Variants in TENM2 observed in about 807,000 individuals in gnomAD.
TENM2 encodes the protein teneurin transmembrane protein 2.
TENM2 carries 52 observed loss-of-function variants against 245.2 expected under a neutral mutation model. The observed-to-expected ratio is 0.21, with a 90% confidence interval of 0.17 to 0.27. The LOEUF (loss-of-function observed/expected upper bound fraction) is 0.27. Among genes scored for constraint, TENM2 ranks in the 10% least tolerant of loss-of-function variants. The pLI is 1.00. For missense variants in TENM2, 3,046 were observed against 3,666.8 expected, an observed-to-expected ratio of 0.83 and a Z score of 4.37; for synonymous variants, 1,363 against 1,438.9, an observed-to-expected ratio of 0.95 and a Z score of 1.19.
intron 2 of TENM2, among the ~76,000 whole-genome samples, chr5:167,543,954 A>G (rs1046225741): frequency 1.3e-5 from 2 of 152,194 alleles, no homozygotes; most frequent in Non-Finnish European, 2.9e-5. Context: ...ACCTTGTCTT[A>G]TTGAACTAAC....
At chr5:167,337,123 C>CAAAAAAAAA (rs71591174) in intron 1 of TENM2, among the ~76,000 whole-genome samples, 41 of 56,666 alleles carry the variant, frequency 7.2e-4, no homozygotes, top group African/African-American at 1.8e-3. Flanking sequence ...GACTCCGTCT[C>CAAAAAAAAA]AAAAAAAAAA....
At chr5:168,027,452 G>A (rs1275391214) in intron 5 of TENM2, among the ~76,000 whole-genome samples, 1 of 152,130 alleles carries the variant, frequency 6.6e-6, no homozygotes, top group Non-Finnish European at 1.5e-5. Flanking sequence ...AGTACACAAA[G>A]AAAAAAGTGC....
At chr5:167,651,892 C>T (rs1385870241) in intron 2 of TENM2, among the ~76,000 whole-genome samples, 1 of 152,144 alleles carries the variant, frequency 6.6e-6, no homozygotes, top group Admixed American at 6.6e-5. Context: ...ATATACTGAA[C>T]CCACCAGAAG....
At chr5:167,215,528 G>A in the TENM2 span, among the ~76,000 whole-genome samples, 1 of 152,156 alleles carries the variant, frequency 6.6e-6, no homozygotes, top group Non-Finnish European at 1.5e-5. Context: ...ACCATATACT[G>A]AGCCTGTGCC....
chr5:168,040,140 C>T (rs369016485), intron 5 of TENM2, among the ~76,000 whole-genome samples: 1 of 152,162 alleles, frequency 6.6e-6, no homozygotes, highest in Non-Finnish European at 1.5e-5. Context: ...GTTCTCATGG[C>T]AGACACAAAG....
At chr5:167,756,438 T>A (rs1762317180) in intron 2 of TENM2, among the ~76,000 whole-genome samples, 1 of 152,104 alleles carries the variant, frequency 6.6e-6, no homozygotes. Flanking sequence ...AAGGAGAAAA[T>A]CATCAGTAAA....
chr5:168,060,237 A>T (rs1241137177), intron 6 of TENM2, among the ~76,000 whole-genome samples: 1 of 151,792 alleles, frequency 6.6e-6, no homozygotes, highest in Non-Finnish European at 1.5e-5. Flanking sequence ...GAAAAAAAAA[A>T]AAAAAGAAAA....
At chr5:167,034,382 G>A in the TENM2 span, among the ~76,000 whole-genome samples, 3 of 152,060 alleles carry the variant, frequency 2.0e-5, no homozygotes, top group Non-Finnish European at 4.4e-5. Context: ...TGTAATCCCA[G>A]CACTTTGGGA....
chr5:167,281,019 A>T (rs1180539304), upstream of TENM2, among the ~76,000 whole-genome samples: 1 of 152,062 alleles, frequency 6.6e-6, no homozygotes, highest in Non-Finnish European at 1.5e-5. Flanking sequence ...TCTTTCTGGA[A>T]GCAGACATTT....
chr5:167,130,139 C>T, the TENM2 span, among the ~76,000 whole-genome samples: 1 of 152,228 alleles, frequency 6.6e-6, no homozygotes, highest in East Asian at 1.9e-4. Context: ...AAACTAAATT[C>T]AATGGCTTGG....
In TENM2 at chr5:167,944,332, A is replaced by G. The variant is rs144505699; in HGVS notation, c.713-8256A>G. Among the ~76,000 whole-genome samples the G allele has an allele frequency of 2.1e-3, 327 of 152,222 alleles. 1 individual carries two copies. The highest frequency in any genetic ancestry group is 7.4e-3 in the African/African-American group (308 of 41,522). On this transcript the variant is annotated intron_variant, in intron 3 of 28. Coordinates refer to ENST00000518659, the Ensembl canonical transcript of TENM2. ...CAGCCATGCCTGAACCGCTAGAACA[A>G]ATTCCCAGCTCGCCCTCAGACATTC...
At chr5:168,159,956 G>C (rs1362540989) in intron 12 of TENM2, among the ~76,000 whole-genome samples, 1 of 152,176 alleles carries the variant, frequency 6.6e-6, no homozygotes, top group Non-Finnish European at 1.5e-5. Flanking sequence ...ATTTAAATTT[G>C]ATGTAGCGGA....
chr5:167,138,864 C>G, the TENM2 span, among the ~76,000 whole-genome samples: 2 of 152,128 alleles, frequency 1.3e-5, no homozygotes, highest in Non-Finnish European at 2.9e-5. Context: ...CTTAGGTGAT[C>G]CACCCACCTC....
At chr5:168,226,292 C>A in intron 24 of TENM2, 29 bp downstream of exon 26, 1 of 1,600,828 alleles carries the variant, frequency 6.2e-7, no homozygotes, top group Non-Finnish European at 8.5e-7. Context: ...CATCCTACCC[C>A]CAAACTCACC....
intron 2 of TENM2, among the ~76,000 whole-genome samples, chr5:167,545,948 G>A (rs1479803685): frequency 2.6e-5 from 4 of 152,156 alleles, no homozygotes; most frequent in Non-Finnish European, 4.4e-5. Context: ...TCAAAGTTTA[G>A]TAATAATGAT....
At chr5:168,250,108 A>G (rs779137377) in intron 27 of TENM2, among the ~76,000 whole-genome samples, 1 of 1,712 alleles carries the variant, frequency 5.8e-4, no homozygotes, top group East Asian at 0.017. Flanking sequence ...GGATGAGTGG[A>G]TGGATGGATG....
At chr5:167,516,517 G>A (rs967633350) in intron 2 of TENM2, among the ~76,000 whole-genome samples, 13 of 152,180 alleles carry the variant, frequency 8.5e-5, no homozygotes, top group African/African-American at 2.6e-4. Flanking sequence ...ACTTAATGTG[G>A]CGATTAAGAC....
chr5:168,213,737 G>A (rs1450991581), intron 20 of TENM2, among the ~76,000 whole-genome samples: 8 of 152,134 alleles, frequency 5.3e-5, no homozygotes, highest in Non-Finnish European at 7.3e-5. Flanking sequence ...AGGAGGCTGA[G>A]GCGGGAGGAC....
chr5:167,959,549 C>A (rs936726691), intron 4 of TENM2, among the ~76,000 whole-genome samples: 1 of 152,194 alleles, frequency 6.6e-6, no homozygotes, highest in Non-Finnish European at 1.5e-5. Flanking sequence ...TCAGCTCCCT[C>A]AGGTCACTTA....
Sources: allele counts gnomAD v4.1 joint callset (sites outside exome capture counted in the v4.1 genomes callset), GRCh38; gene constraint gnomAD v4.1.1; transcripts MANE v1.5; gene names NCBI Gene and HGNC (gene_info 2026-07-23, HGNC 2026-07-21).